Variants in PPARGC1A observed in about 807,000 individuals in gnomAD.
PPARGC1A encodes the protein PPARG coactivator 1 alpha, also known as peroxisome proliferator-activated receptor gamma coactivator 1-alpha.
PPARGC1A carries 25 observed loss-of-function variants against 88.7 expected under a neutral mutation model. The ratio of observed to expected loss-of-function variants is 0.28; its 90% CI spans 0.21 to 0.39. PPARGC1A has a LOEUF of 0.39. Among genes scored for constraint, PPARGC1A ranks in the 10% least tolerant of loss-of-function variants. PPARGC1A has a pLI of 1.00. For missense variants in PPARGC1A, 880 were observed against 968.7 expected, an observed-to-expected ratio of 0.91 and a Z score of 1.22; for synonymous variants, 363 against 355.6, an observed-to-expected ratio of 1.02 and a Z score of -0.24.
At chr4:23,936,818 C>T in the PPARGC1A span, among the ~76,000 whole-genome samples, 8 of 152,156 alleles carry the variant, frequency 5.3e-5, no homozygotes, top group Middle Eastern at 3.4e-3. Flanking sequence ...TGCAGTGAGT[C>T]GAGATCGCAC....
Position 23,795,818 on chromosome 4 carries a change from C to T in PPARGC1A, c.*4G>A. ...CCCTCTGTCATCCTCAGCTAGGGAA[C>T]ATGTTACCTGCGCAAGCTTCTCTGA... On this transcript the variant is annotated 3_prime_UTR_variant, in exon 13 of 13. Transcript: ENST00000264867. 1.2e-6 allele frequency: 2 copies of T among 1,604,428 alleles called. No homozygotes were observed. The highest frequency in any genetic ancestry group is 1.7e-6 in the Non-Finnish European group (2 of 1,174,540).
intron 2 of PPARGC1A, among the ~76,000 whole-genome samples, chr4:23,871,939 C>A (rs941524132): frequency 2.0e-5 from 3 of 152,130 alleles, no homozygotes; most frequent in Admixed American, 6.5e-5. Flanking sequence ...TGCCTGGTAC[C>A]TCCAGAGGGA....
the PPARGC1A span, among the ~76,000 whole-genome samples, chr4:24,308,293 G>GAAAAAAA: frequency 1.4e-5 from 1 of 72,950 alleles, no homozygotes; most frequent in African/African-American, 4.9e-5. Context: ...CTCTGCCACC[G>GAAAAAAA]AAAAAAAAAA....
At chr4:24,448,002 C>T in the PPARGC1A span, among the ~76,000 whole-genome samples, 1 of 152,218 alleles carries the variant, frequency 6.6e-6, no homozygotes, top group African/African-American at 2.4e-5. Context: ...AGCGTGTCTG[C>T]TGCAGTGCAC....
chr4:23,861,805 C>T (rs1731264568), intron 2 of PPARGC1A, among the ~76,000 whole-genome samples: 1 of 152,176 alleles, frequency 6.6e-6, no homozygotes, highest in Non-Finnish European at 1.5e-5. Flanking sequence ...GGGAAATATA[C>T]ATATATTCCA....
the PPARGC1A span, among the ~76,000 whole-genome samples, chr4:24,227,215 G>A: frequency 1.3e-5 from 2 of 152,052 alleles, no homozygotes; most frequent in East Asian, 3.9e-4. Flanking sequence ...TTCCTGAGTA[G>A]CTGGGACTAC....
rs769797947 is a variant in PPARGC1A, at chr4:23,822,135, AAG to A, written c.877+2143_877+2144del. Among the ~76,000 whole-genome samples, 3 of 152,244 alleles carry A rather than the reference AAG, an allele frequency of 2.0e-5. No individual in the cohort carries two copies. The South Asian group carries it at 6.2e-4, about 32-fold the overall frequency. On this transcript the variant is annotated intron_variant, in intron 7 of 12. Transcript: ENST00000264867. The stretch of plus-strand genomic sequence containing the variant: ...TGTACAAGAGATCAAGGATGTAGAA[AAG>A]AGTCTTAGCAATCAAAAGATCCAGG...
At chr4:24,303,684 G>GA in the PPARGC1A span, among the ~76,000 whole-genome samples, 55,625 of 151,922 alleles carry the variant, frequency 0.37, 10,604 homozygotes, top group African/African-American at 0.47. Context: ...TTTCCAAAGG[G>GA]AAAAAATCAA....
At chr4:24,352,378 T>G in the PPARGC1A span, among the ~76,000 whole-genome samples, 1 of 152,112 alleles carries the variant, frequency 6.6e-6, no homozygotes, top group African/African-American at 2.4e-5. Context: ...TGAGCAGAAC[T>G]CTAGCTGCCA....
chr4:24,021,981 T>G, the PPARGC1A span, among the ~76,000 whole-genome samples: 68 of 152,246 alleles, frequency 4.5e-4, no homozygotes, highest in African/African-American at 1.6e-3. Flanking sequence ...TAGTACAATG[T>G]GGCCAGCATG....
the PPARGC1A span, among the ~76,000 whole-genome samples, chr4:24,383,041 A>G: frequency 6.6e-6 from 1 of 152,224 alleles, no homozygotes; most frequent in Non-Finnish European, 1.5e-5. Flanking sequence ...ACGGGCAGCA[A>G]TCTTTGCTAT....
At chr4:23,987,137 C>T in the PPARGC1A span, among the ~76,000 whole-genome samples, 1 of 151,952 alleles carries the variant, frequency 6.6e-6, no homozygotes, top group Non-Finnish European at 1.5e-5. Flanking sequence ...GTCCATGTGG[C>T]AGAAATATCA....
Position 23,828,732 on chromosome 4 carries a change from G to A in PPARGC1A, c.553-128C>T, listed in dbSNP as rs531882039. The A allele has an allele frequency of 5.3e-6, 4 of 751,134 alleles. No individual in the cohort carries two copies. The South Asian group carries it at 5.4e-5, about 10-fold the overall frequency. The allele number at this position is 751,134 out of a possible 1,614,324, so 46.5% of individuals were successfully genotyped here. Reference sequence around the variant, plus strand: ...TCTAAGTGTACTAGATCTATGAGCTGTGAATAACTGTTTGCAGAACAAGGA... The same window carrying A: ...TCTAAGTGTACTAGATCTATGAGCTATGAATAACTGTTTGCAGAACAAGGA... On this transcript the variant is annotated intron_variant, in intron 4 of 12. Coordinates refer to ENST00000264867, the MANE Select transcript of PPARGC1A (RefSeq NM_013261.5).
chr4:24,467,646 G>A, the PPARGC1A span, among the ~76,000 whole-genome samples: 6,296 of 151,318 alleles, frequency 0.042, 183 homozygotes, highest in Non-Finnish European at 0.057. Context: ...CATATTCATG[G>A]AGGTAATGCC....
At chr4:24,197,060 A>T in the PPARGC1A span, among the ~76,000 whole-genome samples, 3 of 152,214 alleles carry the variant, frequency 2.0e-5, no homozygotes, top group Non-Finnish European at 4.4e-5. Context: ...ACCTGTACTG[A>T]TGGAAATTGC....
the PPARGC1A span, among the ~76,000 whole-genome samples, chr4:23,976,530 A>G: frequency 5.9e-5 from 9 of 152,220 alleles, no homozygotes; most frequent in African/African-American, 1.9e-4. Flanking sequence ...GGACTGAATT[A>G]TGTCTCACCC....
At chr4:23,829,665 A>T in intron 3 of PPARGC1A, 80 bp from the exon 4 acceptor site, 1 of 1,327,654 alleles carries the variant, frequency 7.5e-7, no homozygotes, top group Non-Finnish European at 1.0e-6. Flanking sequence ...TTGAAATTTT[A>T]AATGTAATTT....
chr4:24,287,966 T>C, the PPARGC1A span, among the ~76,000 whole-genome samples: 1 of 152,048 alleles, frequency 6.6e-6, no homozygotes, highest in African/African-American at 2.4e-5. Context: ...GCTCCTTCTC[T>C]CATATTTCTG....
At chr4:24,239,436 G>C in the PPARGC1A span, among the ~76,000 whole-genome samples, 1 of 152,216 alleles carries the variant, frequency 6.6e-6, no homozygotes, top group Non-Finnish European at 1.5e-5. Context: ...CTGAGGGCTG[G>C]TGTAGTTCCA....
Sources: allele counts gnomAD v4.1 joint callset (sites outside exome capture counted in the v4.1 genomes callset), GRCh38; gene constraint gnomAD v4.1.1; transcripts MANE v1.5; gene names NCBI Gene and HGNC (gene_info 2026-07-23, HGNC 2026-07-21).